PSPC1: variants seen among roughly 807,000 people sequenced by gnomAD.
PSPC1 encodes paraspeckle component 1.
Under a neutral mutation model 51.6 loss-of-function variants are expected in PSPC1, and 14 were observed. The observed-to-expected ratio is 0.27, with a 90% CI of 0.18 to 0.42. The LOEUF (loss-of-function observed/expected upper bound fraction) is 0.42, where lower values mean the gene tolerates loss of function less well. PSPC1 is among the 10% of genes least tolerant of loss of function. The pLI, the probability that PSPC1 is intolerant of heterozygous loss-of-function variation, is 1.00. For synonymous variants in PSPC1, 193 were observed against 231.9 expected (o/e 0.83, Z 1.53); for missense variants, 406 against 701.1 (o/e 0.58, Z 4.75).
chr13:19,730,970 A>AC (rs1566002513), intron 5 of PSPC1, among the ~76,000 whole-genome samples: 1 of 142,762 alleles, frequency 7.0e-6, no homozygotes, highest in African/African-American at 2.6e-5. Context: ...AAAAACAAAA[A>AC]AAAAAAAAAC....
At chr13:19,729,625 G>C (rs755310129) in intron 6 of PSPC1, among the ~76,000 whole-genome samples, 24 of 148,984 alleles carry the variant, frequency 1.6e-4, no homozygotes, top group Non-Finnish European at 2.7e-4. Flanking sequence ...TCAATTCAAA[G>C]AAACCAAATG....
At chr13:19,707,121 C>A (rs2137753496) in intron 7 of PSPC1, among the ~76,000 whole-genome samples, 2 of 152,156 alleles carry the variant, frequency 1.3e-5, no homozygotes. Flanking sequence ...TTTCTTTTTC[C>A]TCTCTTTCTC....
downstream of PSPC1, among the ~76,000 whole-genome samples, chr13:19,698,504 A>T (rs539293229): frequency 6.6e-6 from 1 of 152,006 alleles, no homozygotes; most frequent in African/African-American, 2.4e-5. Context: ...CTAAAATGAA[A>T]TGTGTTCAAA....
chr13:19,707,657 A>G (rs897717637), intron 7 of PSPC1, among the ~76,000 whole-genome samples: 11 of 152,174 alleles, frequency 7.2e-5, no homozygotes, highest in African/African-American at 2.2e-4. Context: ...AAATGTCACA[A>G]AAATTTTAAG....
intron 7 of PSPC1, among the ~76,000 whole-genome samples, chr13:19,706,595 C>T (rs1880702683): frequency 6.6e-6 from 1 of 152,072 alleles, no homozygotes; most frequent in Non-Finnish European, 1.5e-5. Flanking sequence ...AATCCACCTA[C>T]CTCATTAACA....
At chr13:19,725,122 A>T (rs993702818) in intron 6 of PSPC1, among the ~76,000 whole-genome samples, 1 of 152,214 alleles carries the variant, frequency 6.6e-6, no homozygotes, top group African/African-American at 2.4e-5. Context: ...GGTTGCAGTG[A>T]GCCAAGATCA....
At chr13:19,674,297 A>AATT (rs1267077858), downstream of PSPC1, among the ~76,000 whole-genome samples, 6 of 152,202 alleles carry the variant, frequency 3.9e-5, no homozygotes, top group Admixed American at 3.9e-4. Flanking sequence ...GAATAACTAC[A>AATT]ATTAGATATG....
At chr13:19,766,536 T>C (rs906577555) in intron 2 of PSPC1, among the ~76,000 whole-genome samples, 2 of 151,776 alleles carry the variant, frequency 1.3e-5, no homozygotes, top group Admixed American at 1.3e-4. Flanking sequence ...AGTAAAAAAA[T>C]TAGCCAAGTC....
At chr13:19,690,117 A>T (rs1220979709) in intron 6 of PSPC1, among the ~76,000 whole-genome samples, 1 of 152,230 alleles carries the variant, frequency 6.6e-6, no homozygotes, top group East Asian at 1.9e-4. Context: ...AGAGTTTTTC[A>T]ATCTATGTCA....
In PSPC1 at chr13:19,759,416, G is replaced by T. The variant is rs753266299; in HGVS notation, c.677C>A (p.Thr226Asn). 1 of 1,612,486 alleles carries T rather than the reference G, an allele frequency of 6.2e-7. No individual in the cohort carries two copies. Among genetic ancestry groups the T allele is most frequent in the Non-Finnish European group, 8.5e-7 (1 of 1,178,692 alleles). Residue 226 changes from threonine (T) to asparagine (N), a missense_variant and splice_region_variant, in exon 3 of 9, where the codon ACC becomes AAC. By Grantham distance (65) the Thr-to-Asn change is moderately conservative. Transcript: ENST00000338910. Reference sequence around the variant, plus strand: ...GGGTTCCACAATGACTGGACGAGGGGTCCTGGATAGGTATAAAAGCATTCA... The same window carrying T: ...GGGTTCCACAATGACTGGACGAGGGTTCCTGGATAGGTATAAAAGCATTCA... ...CGDGAFLLTT[T>N]PRPVIVEPME... is the part of the protein sequence containing the mutation.
In PSPC1 at chr13:19,782,314, G is replaced by A. The variant is rs1890063325; in HGVS notation, c.372+72C>T. ...TGAGACAGCGTCCTAGGACGAGGCT[G>A]GCCTCAGCCCCACGACCCCGCGGCC... On this transcript the variant is annotated intron_variant, in intron 1 of 8. Transcript: ENST00000338910. The surrounding 1 kb of genome is among the most constrained non-coding windows in gnomAD (Gnocchi z 4.5). 6.6e-7 allele frequency: 1 copy of A among 1,505,034 alleles called. No individual in the cohort carries two copies. The highest frequency in any genetic ancestry group is 8.8e-7 in the Non-Finnish European group (1 of 1,130,832). The allele number at this position is 1,505,034 out of a possible 1,614,324, so 93.2% of individuals were successfully genotyped here. A position where few individuals can be genotyped will look rare whatever the true frequency, so the allele number is the denominator to read the frequency against.
At chr13:19,710,735 G>C (rs1286316113) in intron 6 of PSPC1, among the ~76,000 whole-genome samples, 1 of 152,056 alleles carries the variant, frequency 6.6e-6, no homozygotes, top group Non-Finnish European at 1.5e-5. Flanking sequence ...ATGAAGCTAC[G>C]GTACAATGAA....
At chr13:19,721,835 G>A (rs1882809006) in intron 6 of PSPC1, among the ~76,000 whole-genome samples, 1 of 152,102 alleles carries the variant, frequency 6.6e-6, no homozygotes. Flanking sequence ...TTGTTTCTTT[G>A]GCTGCTTTTA....
At chr13:19,750,779 T>G (rs1173121336) in intron 4 of PSPC1, among the ~76,000 whole-genome samples, 1 of 19,536 alleles carries the variant, frequency 5.1e-5, no homozygotes, top group Non-Finnish European at 1.9e-4. Context: ...AACTTTTTAA[T>G]TTTTTTTTTG....
chr13:19,733,746 G>C (rs1293534461), intron 5 of PSPC1, among the ~76,000 whole-genome samples: 1 of 147,020 alleles, frequency 6.8e-6, no homozygotes, highest in South Asian at 2.2e-4. Context: ...CTGGGTGACA[G>C]AGCAAGGCTC....
chr13:19,728,439 A>AAC (rs56662113), intron 6 of PSPC1, among the ~76,000 whole-genome samples: 2,293 of 144,366 alleles, frequency 0.016, 35 homozygotes, highest in African/African-American at 0.032. Flanking sequence ...TCAAAGCTTA[A>AAC]ACACACACAC....
intron 6 of PSPC1, among the ~76,000 whole-genome samples, chr13:19,722,872 G>A (rs898431863): frequency 1.4e-4 from 22 of 152,102 alleles, no homozygotes; most frequent in African/African-American, 5.1e-4. Flanking sequence ...CACTTTGGGA[G>A]GCCAAGGCAG....
Position 19,705,722 on chromosome 13 carries a change from G to A in PSPC1, c.1326C>T (p.Ala442=). Reference sequence around the variant, plus strand: ...TATTTGCGGCTCCTTCTGGTCCCATGGCAGGACCAGGACCCATTGGTGGGC... The same window carrying A: ...TATTTGCGGCTCCTTCTGGTCCCATAGCAGGACCAGGACCCATTGGTGGGC... The part of the protein sequence containing the change: ...IPGPPMGPGP[A]MGPEGAANMG... The change falls in exon 8 of 9, where the codon GCC becomes GCT. Residue 442 remains alanine, a synonymous_variant. Transcript: ENST00000338910. 1 of 1,611,274 alleles carries A rather than the reference G, an allele frequency of 6.2e-7. No individual in the cohort carries two copies. Among genetic ancestry groups the A allele is most frequent in the Non-Finnish European group, 8.5e-7 (1 of 1,178,642 alleles).
At chr13:19,702,031 G>T (rs1879969604), downstream of PSPC1, among the ~76,000 whole-genome samples, 1 of 152,118 alleles carries the variant, frequency 6.6e-6, no homozygotes, top group African/African-American at 2.4e-5. Context: ...GAGCTAATCA[G>T]ATTCCAATGA....
Sources: allele counts gnomAD v4.1 joint callset (sites outside exome capture counted in the v4.1 genomes callset), GRCh38; gene constraint gnomAD v4.1.1; non-coding constraint Gnocchi (gnomAD v3.1); transcripts MANE v1.5; gene names NCBI Gene and HGNC (gene_info 2026-07-23, HGNC 2026-07-21).